ROR2: variants seen among roughly 807,000 people sequenced by gnomAD.
ROR2 encodes ROR family WNT receptor 2, also known as tyrosine-protein kinase transmembrane receptor ROR2.
A neutral mutation model predicts 74.9 loss-of-function variants in ROR2; 33 were observed. The ratio of observed to expected loss-of-function variants is 0.44; its 90% CI spans 0.33 to 0.59. The LOEUF (loss-of-function observed/expected upper bound fraction) is 0.59, where lower values mean the gene tolerates loss of function less well. ROR2 is among the 20% of genes least tolerant of loss of function. The pLI is 0.02. For synonymous variants in ROR2, 586 were observed against 558.7 expected (o/e 1.05, Z -0.69); for missense variants, 1,216 against 1,313.8 (o/e 0.93, Z 1.15).
chr9:91,858,063 C>T (rs756686052), intron 1 of ROR2, among the ~76,000 whole-genome samples: 4 of 152,126 alleles, frequency 2.6e-5, no homozygotes, highest in Admixed American at 6.5e-5. Flanking sequence ...CTAATCCTCC[C>T]GCTGGAAGAA....
intron 1 of ROR2, among the ~76,000 whole-genome samples, chr9:91,814,087 C>T (rs150611871): frequency 4.6e-5 from 7 of 152,274 alleles, no homozygotes; most frequent in African/African-American, 1.4e-4. Context: ...ACTTAGGAGG[C>T]TAAGGCAAGA....
chr9:91,877,098 G>A (rs1457251876), intron 1 of ROR2, among the ~76,000 whole-genome samples: 1 of 152,198 alleles, frequency 6.6e-6, no homozygotes, highest in African/African-American at 2.4e-5. Context: ...GGCAGCACAG[G>A]GTGCTGGGAA....
chr9:91,796,116 C>T (rs10119449), intron 1 of ROR2, among the ~76,000 whole-genome samples: 1 of 152,068 alleles, frequency 6.6e-6, no homozygotes, highest in East Asian at 1.9e-4. Context: ...TGAGACTGAA[C>T]ACGTTCCCCA....
chr9:91,950,085 C>A lies in ROR2; in HGVS notation c.-122G>T, dbSNP rs1832135027. 4.2e-6 allele frequency: 2 copies of A among 474,790 alleles called. No individual in the cohort carries two copies. The highest frequency in any genetic ancestry group is 7.1e-6 in the Non-Finnish European group (2 of 279,858). 29.4% of individuals were successfully genotyped at this position (474,790 alleles called of 1,614,324 possible). Reference sequence around the variant, plus strand: ...TCTCCCTGGCGCTTCGCAAACGGGTCCACTTCGAGGACCTCGTCGTCGTCC... The same window carrying A: ...TCTCCCTGGCGCTTCGCAAACGGGTACACTTCGAGGACCTCGTCGTCGTCC... On this transcript the variant is annotated 5_prime_UTR_variant, in exon 1 of 9. Transcript: ENST00000375708.
rs139746394 is a variant in ROR2, at chr9:91,939,686, T to G, written c.97+10181A>C. Among the ~76,000 whole-genome samples the G allele has an allele frequency of 1.7e-3, 266 of 152,138 alleles. 2 individuals carry two copies. In the Middle Eastern group the frequency reaches 0.02, roughly 12 times the overall value. On this transcript the variant is annotated intron_variant, in intron 1 of 8. Coordinates refer to ENST00000375708, the MANE Select transcript of ROR2 (RefSeq NM_004560.4). ...CACCAAGAAGGAGAAAATTGAGTAT[T>G]TTGTGTTTGTTACTGGAAAAAAGAA...
chr9:91,774,006 C>T (rs1036434691), intron 2 of ROR2, among the ~76,000 whole-genome samples: 21 of 152,240 alleles, frequency 1.4e-4, no homozygotes, highest in African/African-American at 3.9e-4. Context: ...TCAGCCAACA[C>T]GTCCTAGGAT....
intron 1 of ROR2, among the ~76,000 whole-genome samples, chr9:91,829,770 G>A (rs1245512919): frequency 6.6e-6 from 1 of 152,108 alleles, no homozygotes; most frequent in African/African-American, 2.4e-5. Flanking sequence ...TCATTCATAT[G>A]AATGTTCATT....
intron 1 of ROR2, among the ~76,000 whole-genome samples, chr9:91,855,592 G>A (rs1373565614): frequency 6.6e-6 from 1 of 152,006 alleles, no homozygotes; most frequent in Non-Finnish European, 1.5e-5. Flanking sequence ...AGAAGGAAGG[G>A]ACACCCAGGG....
chr9:91,929,904 C>T (rs1831506808), intron 1 of ROR2, among the ~76,000 whole-genome samples: 1 of 152,114 alleles, frequency 6.6e-6, no homozygotes, highest in Non-Finnish European at 1.5e-5. Context: ...CATCATTGAA[C>T]ACAGAGAGCA....
chr9:91,919,070 A>C (rs1456326073), intron 1 of ROR2, among the ~76,000 whole-genome samples: 1 of 152,128 alleles, frequency 6.6e-6, no homozygotes, highest in African/African-American at 2.4e-5. Flanking sequence ...TATTTGCATC[A>C]TGTTTTAACA....
intron 4 of ROR2, among the ~76,000 whole-genome samples, chr9:91,743,256 A>G (rs1463575534): frequency 6.6e-6 from 1 of 152,284 alleles, no homozygotes; most frequent in East Asian, 1.9e-4. Context: ...TCTGATACAA[A>G]TATCTAACAA....
rs145864958 is a variant in ROR2, at chr9:91,910,543, C to T, written c.97+39324G>A. ...ACAACCAACAGAGTGAAAACACAAC[C>T]AAGGCAATGAAAGAAAATATTTGCA... On this transcript the variant is annotated intron_variant, in intron 1 of 8. Transcript: ENST00000375708. Among the ~76,000 whole-genome samples the T allele has an allele frequency of 3.0e-4, 45 of 152,154 alleles. 2 individuals carry two copies. In the East Asian group the frequency reaches 7.1e-3, roughly 24 times the overall value.
At chr9:91,735,539 C>A (rs1282806924) in intron 5 of ROR2, among the ~76,000 whole-genome samples, 4 of 148,402 alleles carry the variant, frequency 2.7e-5, no homozygotes, top group Admixed American at 6.9e-5. Flanking sequence ...CTGCAGCTAG[C>A]ATTTTAAAAG....
At chr9:91,925,345 G>A (rs1831368489) in intron 1 of ROR2, among the ~76,000 whole-genome samples, 1 of 152,032 alleles carries the variant, frequency 6.6e-6, no homozygotes, top group African/African-American at 2.4e-5. Context: ...ACAGCCTTCA[G>A]CCATCCCAAC....
chr9:91,949,747 C>A, intron 1 of ROR2, 120 bp downstream of exon 1: 1 of 712,318 alleles, frequency 1.4e-6, no homozygotes, highest in Non-Finnish European at 2.5e-6. Flanking sequence ...CCCTGCCTGG[C>A]GCCCCTCGTT....
chr9:91,792,868 TAAGTA>T (rs1309968730), intron 1 of ROR2, among the ~76,000 whole-genome samples: 3 of 152,110 alleles, frequency 2.0e-5, no homozygotes, highest in Admixed American at 6.5e-5. Context: ...AGATCTCTAT[TAAGTA>T]AAGAGGTTGA....
chr9:91,922,751 C>T (rs940934969), intron 1 of ROR2, among the ~76,000 whole-genome samples: 1 of 152,134 alleles, frequency 6.6e-6, no homozygotes, highest in African/African-American at 2.4e-5. Flanking sequence ...CCGCGCCCGA[C>T]CAAGAATATT....
chr9:91,941,032 C>G (rs1256625292), intron 1 of ROR2, among the ~76,000 whole-genome samples: 1 of 128,416 alleles, frequency 7.8e-6, no homozygotes, highest in African/African-American at 3.2e-5. Flanking sequence ...GAGTCTCGCT[C>G]TTTCACCCAG....
chr9:91,858,500 G>A (rs1176335659), intron 1 of ROR2, among the ~76,000 whole-genome samples: 1 of 152,212 alleles, frequency 6.6e-6, no homozygotes, highest in Admixed American at 6.5e-5. Flanking sequence ...CCCCAAGGAA[G>A]TCCTTAGAAA....
Sources: allele counts gnomAD v4.1 joint callset (sites outside exome capture counted in the v4.1 genomes callset), GRCh38; gene constraint gnomAD v4.1.1; transcripts MANE v1.5; gene names NCBI Gene and HGNC (gene_info 2026-07-23, HGNC 2026-07-21).